ACRV1: variants seen among roughly 807,000 people sequenced by gnomAD.
ACRV1 encodes acrosomal vesicle protein 1, also known as acrosomal protein SP-10.
ACRV1 carries 17 observed loss-of-function variants against 29.2 expected under a neutral mutation model. The ratio of observed to expected loss-of-function variants is 0.58; its 90% CI spans 0.40 to 0.87. ACRV1 has a LOEUF of 0.87. ACRV1 is among the 40% of genes least tolerant of loss of function. The pLI, the probability that ACRV1 is intolerant of heterozygous loss-of-function variation, is 0.00. For missense variants in ACRV1, 294 were observed against 316.0 expected, an observed-to-expected ratio of 0.93 and a Z score of 0.53; for synonymous variants, 98 against 111.6, an observed-to-expected ratio of 0.88 and a Z score of 0.77.
chr11:125,671,935 T>C lies in ACRV1; in HGVS notation c.*658A>G, dbSNP rs533751591. ...ATCCTGTATAGATGATTCAGTAACATTGTGTGTGAAAAAAATGATTTAAGC... is the reference window on the plus strand; with the variant it reads ...ATCCTGTATAGATGATTCAGTAACACTGTGTGTGAAAAAAATGATTTAAGC... On this transcript the variant is annotated 3_prime_UTR_variant, in exon 4 of 4. Coordinates refer to ENST00000533904, the MANE Select transcript of ACRV1 (RefSeq NM_001612.6). 1.9e-4 allele frequency: 29 copies of C among 152,278 alleles called. 1 individual carries two copies. Among genetic ancestry groups the C allele is most frequent in the African/African-American group, 6.5e-4 (27 of 41,544 alleles). The allele number at this position is 152,278 out of a possible 1,614,324, so 9.4% of individuals were successfully genotyped here.
chr11:125,677,137 A>C (rs550411815), intron 2 of ACRV1, among the ~76,000 whole-genome samples: 1 of 152,228 alleles, frequency 6.6e-6, no homozygotes, highest in Non-Finnish European at 1.5e-5. Context: ...CATTGGACAT[A>C]TTACATTTGC....
At chr11:125,673,610 T>C (rs1246239639) in intron 3 of ACRV1, among the ~76,000 whole-genome samples, 1 of 152,158 alleles carries the variant, frequency 6.6e-6, no homozygotes, top group Non-Finnish European at 1.5e-5. Context: ...AACTGTCACA[T>C]TACCAACTAA....
At chr11:125,677,545 A>G (rs1942570282) in intron 2 of ACRV1, among the ~76,000 whole-genome samples, 1 of 152,160 alleles carries the variant, frequency 6.6e-6, no homozygotes, top group Non-Finnish European at 1.5e-5. Context: ...TGGAGAGTGA[A>G]GTTGGAGGGG....
chr11:125,675,144 G>A (rs1410735469), intron 3 of ACRV1, among the ~76,000 whole-genome samples: 1 of 152,170 alleles, frequency 6.6e-6, no homozygotes, highest in Non-Finnish European at 1.5e-5. Context: ...TGAACATTAG[G>A]ATTTTTTAAA....
chr11:125,672,613 A>G lies in ACRV1; in HGVS notation c.778T>C (p.Ser260Pro), dbSNP rs1942250504. The G allele has an allele frequency of 6.2e-7, 1 of 1,614,146 alleles. No individual in the cohort carries two copies. The highest frequency in any genetic ancestry group is 1.3e-5 in the African/African-American group (1 of 75,062). ...RMQIICCRNQ[S>P]FCNKI ...GGCTTCTAGATCTTATTGCAGAAAG[A>G]TTGATTTCGACAGCATATAATTTGC... Residue 260 changes from serine (S) to proline (P), a missense_variant, in exon 4 of 4, where the codon TCT (serine) becomes CCT (proline). Physicochemically the swap from Ser to Pro is moderately conservative, Grantham distance 74 (BLOSUM62 -1). Coordinates refer to ENST00000533904, the MANE Select transcript of ACRV1 (RefSeq NM_001612.6).
intron 3 of ACRV1, 158 bp downstream of exon 3, chr11:125,676,201 C>G (rs1442720241): frequency 1.0e-6 from 1 of 981,396 alleles, no homozygotes; most frequent in African/African-American, 1.6e-5. Context: ...AGCCACCTCG[C>G]CTGGCAAGGG....
At chr11:125,674,410 AAG>A (rs1299130032) in intron 3 of ACRV1, among the ~76,000 whole-genome samples, 1 of 152,350 alleles carries the variant, frequency 6.6e-6, no homozygotes, top group African/African-American at 2.4e-5. Context: ...TTAGAAAGGA[AAG>A]AGGATAATTT....
In ACRV1 at chr11:125,678,076, C is replaced by A. The variant is rs1170557723; in HGVS notation, c.274G>T (p.Glu92Ter). 5.0e-6 allele frequency: 8 copies of A among 1,614,086 alleles called. No individual in the cohort carries two copies. The Admixed American group carries it at 1.0e-4, about 20-fold the overall frequency. ...GCAGCGGGCTCACCTGAAGCATGCT[C>A]ACTCTCAGCATGTTCTCCAGAAGTG... Reference protein sequence around the residue: ...EHTSGEHAESEHASGEPAATE... With the variant: ...EHTSGEHAES Residue 92 changes from glutamate to a stop codon, truncating the protein, a stop_gained, in exon 2 of 4, where the codon GAG becomes TAG. Transcript: ENST00000533904. LOFTEE classifies it high-confidence loss of function.
chr11:125,673,350 G>A (rs1343918939), intron 3 of ACRV1, among the ~76,000 whole-genome samples: 5 of 151,724 alleles, frequency 3.3e-5, no homozygotes, highest in Non-Finnish European at 5.9e-5. Context: ...GATTACAGGC[G>A]CACCACCACA....
intron 1 of ACRV1, among the ~76,000 whole-genome samples, chr11:125,679,171 T>C (rs890534489): frequency 6.7e-6 from 1 of 150,176 alleles, no homozygotes; most frequent in Non-Finnish European, 1.5e-5. Flanking sequence ...TCTTACATGG[T>C]TATTTTTTTC....
intron 3 of ACRV1, 54 bp from the exon 4 acceptor site, chr11:125,672,771 G>A (rs571437098): frequency 6.2e-7 from 1 of 1,605,152 alleles, no homozygotes; most frequent in African/African-American, 1.3e-5. Flanking sequence ...TCCAACCTTA[G>A]CCTTTATCTG....
chr11:125,673,954 T>A (rs1208610739), intron 3 of ACRV1, among the ~76,000 whole-genome samples: 1 of 152,110 alleles, frequency 6.6e-6, no homozygotes, highest in Non-Finnish European at 1.5e-5. Flanking sequence ...AGGCCAGGAG[T>A]TCAAGACCAG....
rs2134099973 is a variant in ACRV1 at position 125,672,284 on chromosome 11, A to G, written c.*309T>C. The G allele has an allele frequency of 4.0e-6, 1 of 250,146 alleles. No homozygotes were observed. Among genetic ancestry groups the G allele is most frequent in the Non-Finnish European group, 7.6e-6 (1 of 130,778 alleles). The allele number at this position is 250,146 out of a possible 1,614,324, so 15.5% of individuals were successfully genotyped here. On this transcript the variant is annotated 3_prime_UTR_variant, in exon 4 of 4. Transcript: ENST00000533904. ...TCGGTGTGGAAGGAAGCTCATGTTG[A>G]CCCTGCAACTAGATTAATGGGGGAA...
chr11:125,678,284 C>T lies in ACRV1; in HGVS notation c.66G>A (p.Gln22=), dbSNP rs1942623926. ...LLGSARGTSS[Q]PNELSGSIDH... ...CTATGGAGCCAGAAAGCTCATTAGGCTGACTTGATGTTCCTGGGATGGAGA... is the reference window on the plus strand; with the variant it reads ...CTATGGAGCCAGAAAGCTCATTAGGTTGACTTGATGTTCCTGGGATGGAGA... Residue 22 remains glutamine, a synonymous_variant, in exon 2 of 4, where the codon CAG becomes CAA. Coordinates refer to ENST00000533904, the MANE Select transcript of ACRV1 (RefSeq NM_001612.6). 1 of 1,613,582 alleles carries T rather than the reference C, an allele frequency of 6.2e-7. No homozygotes were observed. Among genetic ancestry groups the T allele is most frequent in the African/African-American group, 1.3e-5 (1 of 74,848 alleles).
rs1257198947 is a variant in ACRV1 at position 125,680,651 on chromosome 11, G to T, written c.52+78C>A. 4 of 1,330,586 alleles carry T rather than the reference G, an allele frequency of 3.0e-6. No homozygotes were observed. In the African/African-American group the frequency reaches 5.9e-5, roughly 20 times the overall value. 82.4% of individuals were successfully genotyped at this position (1,330,586 alleles called of 1,614,324 possible). ...ATTGGTTTGGGTGACTGAGAGACTG[G>T]TCTTCCTTCTTCAAGGCCTGAAATG... On this transcript the variant is annotated intron_variant, in intron 1 of 3. Transcript: ENST00000533904.
chr11:125,673,166 CTT>C (rs1285722948), intron 3 of ACRV1, among the ~76,000 whole-genome samples: 1 of 148,050 alleles, frequency 6.8e-6, no homozygotes, highest in Non-Finnish European at 1.5e-5. Flanking sequence ...TTTTTAACCT[CTT>C]TGCTTGCACA....
At chr11:125,675,921 T>G (rs1390866830) in intron 3 of ACRV1, 1 of 156,250 alleles carries the variant, frequency 6.4e-6, no homozygotes, top group Non-Finnish European at 1.4e-5. Flanking sequence ...TTCTTTATTT[T>G]TTTTAGATGG....
chr11:125,672,840 T>A (rs1051302534), intron 3 of ACRV1, 123 bp from the exon 4 acceptor site: 2 of 1,213,590 alleles, frequency 1.6e-6, no homozygotes, highest in Non-Finnish European at 2.2e-6. Context: ...TTATCCCTTC[T>A]CTTTCTCTTC....
chr11:125,675,287 G>C (rs769354384), intron 3 of ACRV1, among the ~76,000 whole-genome samples: 2 of 152,038 alleles, frequency 1.3e-5, no homozygotes, highest in Non-Finnish European at 2.9e-5. Context: ...TCCTTTCCCT[G>C]AACTCTCTGC....
Sources: gnomAD v4.1 joint callset for allele counts (sites outside exome capture counted in the v4.1 genomes callset) on GRCh38, gnomAD v4.1.1 for gene constraint, MANE v1.5 for transcripts, NCBI Gene and HGNC (gene_info 2026-07-23, HGNC 2026-07-21) for gene names.